Variants in AGBL4 observed in about 807,000 individuals in gnomAD.
The protein encoded by AGBL4 is AGBL carboxypeptidase 4, also known as cytosolic carboxypeptidase 6.
A neutral mutation model predicts 66.4 loss-of-function variants in AGBL4; 58 were observed. The ratio of observed to expected loss-of-function variants is 0.87; its 90% CI spans 0.71 to 1.09. The LOEUF is 1.09. Ranked by LOEUF, AGBL4 falls within the 50% of genes least tolerant of loss-of-function variation. The pLI is 0.00. For synonymous variants in AGBL4, 234 were observed against 222.9 expected (o/e 1.05, Z -0.44); for missense variants, 579 against 631.0 (o/e 0.92, Z 0.88).
chr1:48,793,365 C>T (rs1345582710), intron 6 of AGBL4, among the ~76,000 whole-genome samples: 1 of 152,114 alleles, frequency 6.6e-6, no homozygotes, highest in African/African-American at 2.4e-5. Flanking sequence ...ATCTAAAGCT[C>T]TCTTATAGCA....
At chr1:49,318,626 T>C (rs974700285) in intron 3 of AGBL4, among the ~76,000 whole-genome samples, 1 of 152,112 alleles carries the variant, frequency 6.6e-6, no homozygotes, top group South Asian at 2.1e-4. Flanking sequence ...TATTGCCAAG[T>C]AGAAAATAAA....
At chr1:49,857,495 C>CA (rs1176570651) in intron 1 of AGBL4, among the ~76,000 whole-genome samples, 1 of 151,944 alleles carries the variant, frequency 6.6e-6, no homozygotes, top group East Asian at 1.9e-4. Context: ...CCATAATAGT[C>CA]AAAATAACAC....
chr1:49,047,179 T>G (rs1172039441), intron 4 of AGBL4, among the ~76,000 whole-genome samples: 1 of 152,166 alleles, frequency 6.6e-6, no homozygotes, highest in Non-Finnish European at 1.5e-5. Context: ...ATGGCATTGA[T>G]GCCTGTACAT....
chr1:48,916,728 CA>C (rs1331969566), intron 5 of AGBL4, among the ~76,000 whole-genome samples: 2 of 152,146 alleles, frequency 1.3e-5, no homozygotes, highest in Non-Finnish European at 2.9e-5. Context: ...TAACCTCCAC[CA>C]GGGGGTATCC....
intron 3 of AGBL4, among the ~76,000 whole-genome samples, chr1:49,352,765 T>C (rs975524298): frequency 6.6e-6 from 1 of 152,212 alleles, no homozygotes; most frequent in Admixed American, 6.5e-5. Context: ...AGCTGAGCAC[T>C]TTAGACATGT....
intron 12 of AGBL4, 82 bp from the exon 13 acceptor site, chr1:48,534,998 A>G: frequency 7.7e-7 from 1 of 1,300,064 alleles, no homozygotes. Context: ...TTCATCTGTC[A>G]TTGAAGGATG....
intron 4 of AGBL4, among the ~76,000 whole-genome samples, chr1:49,071,359 C>G (rs1644600649): frequency 6.6e-6 from 1 of 151,792 alleles, no homozygotes; most frequent in Admixed American, 6.6e-5. Flanking sequence ...TAGATCTTTC[C>G]TGCTTTCTCT....
At chr1:49,339,713 A>G (rs971536355) in intron 3 of AGBL4, among the ~76,000 whole-genome samples, 2 of 152,330 alleles carry the variant, frequency 1.3e-5, no homozygotes, top group East Asian at 1.9e-4. Flanking sequence ...CTTCTCTATA[A>G]CATTTTTATT....
chr1:49,648,170 A>G (rs1411386520), intron 3 of AGBL4, among the ~76,000 whole-genome samples: 1 of 152,088 alleles, frequency 6.6e-6, no homozygotes, highest in Non-Finnish European at 1.5e-5. Context: ...AAACTTTAAG[A>G]AAGAACAACA....
chr1:48,680,006 A>G (rs1019390750), intron 6 of AGBL4, among the ~76,000 whole-genome samples: 4 of 152,086 alleles, frequency 2.6e-5, no homozygotes, highest in Non-Finnish European at 5.9e-5. Context: ...CACTCCTGGC[A>G]ACCACCACAC....
chr1:49,838,843 T>G (rs1252648505), intron 2 of AGBL4, among the ~76,000 whole-genome samples: 2 of 152,226 alleles, frequency 1.3e-5, no homozygotes, highest in Non-Finnish European at 2.9e-5. Context: ...CTTAAATTGT[T>G]ATTTAAAAAA....
intron 3 of AGBL4, among the ~76,000 whole-genome samples, chr1:49,436,172 G>A (rs1397334123): frequency 6.6e-6 from 1 of 152,070 alleles, no homozygotes; most frequent in African/African-American, 2.4e-5. Flanking sequence ...AGTACAGTGA[G>A]GTATCAGAAG....
intron 3 of AGBL4, among the ~76,000 whole-genome samples, chr1:49,625,372 G>C (rs1354680965): frequency 6.6e-6 from 1 of 152,032 alleles, no homozygotes; most frequent in Non-Finnish European, 1.5e-5. Flanking sequence ...TCCATTTTCT[G>C]TTGAGTCCAA....
In AGBL4 at chr1:49,959,114, G is replaced by A. The variant is rs552008525; in HGVS notation, c.34+64649C>T. On this transcript the variant is annotated intron_variant, in intron 1 of 13. Coordinates refer to ENST00000371839, the MANE Select transcript of AGBL4 (RefSeq NM_032785.4). ...AAGCAAAGCAAATAAAGGAGTAGGA[G>A]CTGTGAATGGAAAGGAAGGTCAGGA... is the stretch of plus-strand genomic sequence containing the variant. 8.6e-5 allele frequency among the ~76,000 whole-genome samples: 13 copies of A among 151,956 alleles called. No individual in the cohort carries two copies. In the Middle Eastern group the frequency reaches 0.01, roughly 119 times the overall value.
At chr1:48,546,829 A>C (rs542559553) in intron 11 of AGBL4, among the ~76,000 whole-genome samples, 10 of 151,662 alleles carry the variant, frequency 6.6e-5, no homozygotes, top group Admixed American at 6.0e-4. Context: ...TTAAGTCTAG[A>C]AGCAGAGACA....
At chr1:49,290,735 T>A (rs1192173615) in intron 3 of AGBL4, among the ~76,000 whole-genome samples, 1 of 152,210 alleles carries the variant, frequency 6.6e-6, no homozygotes, top group African/African-American at 2.4e-5. Context: ...CTGGCATAGA[T>A]GCCTGTAATT....
At chr1:48,686,726 G>T (rs1646538430) in intron 6 of AGBL4, among the ~76,000 whole-genome samples, 1 of 152,192 alleles carries the variant, frequency 6.6e-6, no homozygotes. Flanking sequence ...GAAGTCCTGA[G>T]ATCTGCCATG....
chr1:49,217,067 C>T (rs1376796580), intron 4 of AGBL4, among the ~76,000 whole-genome samples: 1 of 151,926 alleles, frequency 6.6e-6, no homozygotes, highest in Non-Finnish European at 1.5e-5. Flanking sequence ...AGCATGTGCC[C>T]CTATTAGACC....
At chr1:48,532,464 G>A (rs1643911519), downstream of AGBL4, among the ~76,000 whole-genome samples, 1 of 152,142 alleles carries the variant, frequency 6.6e-6, no homozygotes, top group Non-Finnish European at 1.5e-5. Context: ...TGTAGTCTAT[G>A]ATCCAATTAA....
Sources: gnomAD v4.1 joint callset for allele counts (sites outside exome capture counted in the v4.1 genomes callset) on GRCh38, gnomAD v4.1.1 for gene constraint, MANE v1.5 for transcripts, NCBI Gene and HGNC (gene_info 2026-07-23, HGNC 2026-07-21) for gene names.